Variants in SPTA1 observed in about 807,000 individuals in gnomAD.
SPTA1 encodes spectrin alpha, erythrocytic 1.
SPTA1 carries 177 observed loss-of-function variants against 324.7 expected under a neutral mutation model. That is an observed-to-expected ratio of 0.55 (90% confidence interval 0.48 to 0.62). The LOEUF is 0.62. SPTA1 is among the 20% of genes least tolerant of loss of function. The pLI, the probability that SPTA1 is intolerant of heterozygous loss-of-function variation, is 0.00. For synonymous variants in SPTA1, 1,195 were observed against 1,041.3 expected (o/e 1.15, Z -2.84); for missense variants, 3,162 against 2,883.6 (o/e 1.10, Z -2.21).
intron 33 of SPTA1, 71 bp downstream of exon 33, chr1:158,642,340 T>TA (rs560941981): frequency 2.9e-4 from 423 of 1,459,212 alleles, no homozygotes; most frequent in East Asian, 2.8e-3. Context: ...TACAATAAAT[T>TA]AAAAAAAAAG....
Position 158,619,264 on chromosome 1 carries a change from T to A in SPTA1, c.6488A>T (p.Glu2163Val), listed in dbSNP as rs1257758924. 1 of 1,614,112 alleles carries A rather than the reference T, an allele frequency of 6.2e-7. No homozygotes were observed. The highest frequency in any genetic ancestry group is 8.5e-7 in the Non-Finnish European group (1 of 1,179,984). ...VKNFEMCQEF[E>V]QNASTFLQWI... Reference sequence around the variant, plus strand: ...TTGAAGGAAGGTACTGGCATTCTGTTCAAACTCCTGACACATCTCAAAGTT... The same window carrying A: ...TTGAAGGAAGGTACTGGCATTCTGTACAAACTCCTGACACATCTCAAAGTT... Residue 2163 changes from glutamate to valine, a missense_variant, in exon 45 of 52, where the codon GAA becomes GTA. Transcript: ENST00000643759.
chr1:158,672,259 G>C (rs1654081176), intron 10 of SPTA1, 63 bp from the exon 11 acceptor site: 2 of 1,493,570 alleles, frequency 1.3e-6, no homozygotes, highest in Non-Finnish European at 1.8e-6. Context: ...TATATTTATT[G>C]AGCATATAAT....
intron 3 of SPTA1, among the ~76,000 whole-genome samples, chr1:158,682,810 G>A (rs1304564277): frequency 1.3e-5 from 2 of 152,098 alleles, no homozygotes; most frequent in Non-Finnish European, 2.9e-5. Context: ...TATTGAAATA[G>A]TGATGATCTT....
intron 8 of SPTA1, 37 bp from the exon 9 acceptor site, chr1:158,674,712 A>G: frequency 6.2e-7 from 1 of 1,611,008 alleles, no homozygotes; most frequent in Non-Finnish European, 8.5e-7. Context: ...GGAAGGAGAA[A>G]CCAGATATGA....
chr1:158,642,960 C>G lies in SPTA1; in HGVS notation c.4459G>C (p.Ala1487Pro), dbSNP rs2101830137. The change falls in exon 32 of 52, where the codon GCA (alanine) becomes CCA (proline). Residue 1487 changes from alanine (A) to proline (P), a missense_variant. Transcript: ENST00000643759. The part of the protein sequence containing the change: ...RVLDRWKALK[A>P]QLIDERTKLG... ...TTTGTCCGCTCATCAATCAGTTGTG[C>G]TTTGAGAGCCTTCCACCTAGAGGAC... The G allele has an allele frequency of 1.9e-6, 3 of 1,613,602 alleles. No individual in the cohort carries two copies. Among genetic ancestry groups the G allele is most frequent in the Non-Finnish European group, 2.5e-6 (3 of 1,179,702 alleles).
chr1:158,682,780 G>A (rs1179678555), intron 3 of SPTA1, among the ~76,000 whole-genome samples: 2 of 152,164 alleles, frequency 1.3e-5, no homozygotes, highest in African/African-American at 4.8e-5. Context: ...ATTAATAATA[G>A]ATTACAGAGT....
intron 43 of SPTA1, 139 bp from the exon 44 acceptor site, chr1:158,620,605 G>T: frequency 9.9e-7 from 1 of 1,007,142 alleles, no homozygotes. Context: ...AAAACCAATA[G>T]GGACTGTGTA....
At chr1:158,666,037 T>A (rs1653571216) in intron 16 of SPTA1, among the ~76,000 whole-genome samples, 1 of 152,094 alleles carries the variant, frequency 6.6e-6, no homozygotes, top group East Asian at 1.9e-4. Flanking sequence ...CACCCCTGGC[T>A]AGATTGGAGG....
At chr1:158,679,011 G>A (rs771592923) in intron 5 of SPTA1, among the ~76,000 whole-genome samples, 33 of 151,738 alleles carry the variant, frequency 2.2e-4, no homozygotes, top group African/African-American at 4.1e-4. Flanking sequence ...GTGCTTTCAC[G>A]TATGATTTTG....
At chr1:158,663,565 T>TACC (rs1210681388) in intron 16 of SPTA1, among the ~76,000 whole-genome samples, 2 of 152,186 alleles carry the variant, frequency 1.3e-5, no homozygotes, top group African/African-American at 4.8e-5. Flanking sequence ...TTTAGTTGTA[T>TACC]ACCTATATGG....
intron 15 of SPTA1, 68 bp downstream of exon 15, chr1:158,667,790 G>T: frequency 6.6e-7 from 1 of 1,524,308 alleles, no homozygotes; most frequent in South Asian, 1.2e-5. Context: ...AATTTACAGT[G>T]GTAAAGATAA....
At chr1:158,644,630 C>T (rs557143789) in intron 29 of SPTA1, among the ~76,000 whole-genome samples, 1 of 152,294 alleles carries the variant, frequency 6.6e-6, no homozygotes, top group South Asian at 2.1e-4. Context: ...TTTCCTATTT[C>T]TTAAACCTTG....
intron 18 of SPTA1, among the ~76,000 whole-genome samples, chr1:158,658,240 A>AC (rs1652965689): frequency 1.3e-5 from 2 of 152,188 alleles, no homozygotes; most frequent in African/African-American, 2.4e-5. Context: ...ACCCAGATAG[A>AC]ACCACCAGTC....
chr1:158,636,900 C>G, intron 36 of SPTA1, 139 bp from the exon 37 acceptor site: 2 of 1,458,308 alleles, frequency 1.4e-6, no homozygotes, highest in Non-Finnish European at 1.9e-6. Context: ...GTGCCAATGA[C>G]CAAAAATATA....
intron 38 of SPTA1, among the ~76,000 whole-genome samples, chr1:158,635,316 G>GC (rs1174017042): frequency 1.4e-5 from 2 of 143,212 alleles, no homozygotes; most frequent in East Asian, 4.0e-4. Flanking sequence ...CACTCTCCCC[G>GC]CCCCCGCCCG....
At chr1:158,622,754 C>G (rs1176149851) in intron 43 of SPTA1, 1 of 488,806 alleles carries the variant, frequency 2.0e-6, no homozygotes, top group African/African-American at 2.0e-5. Context: ...CCACTGTTTG[C>G]CTGGCTTCCA....
Position 158,654,638 on chromosome 1 carries a change from G to A in SPTA1, c.3009C>T (p.Val1003=). The A allele has an allele frequency of 1.2e-6, 2 of 1,613,980 alleles. No individual in the cohort carries two copies. The highest frequency in any genetic ancestry group is 1.7e-6 in the Non-Finnish European group (2 of 1,180,010). Residue 1003 remains valine, a synonymous_variant, in exon 21 of 52, where the codon GTC becomes GTT. Coordinates refer to ENST00000643759, the MANE Select transcript of SPTA1 (RefSeq NM_003126.4). ...PREVTMKKGD[V]LTLLSSINKD... is the part of the protein sequence containing the mutation. ...TATTGATGGAACTGAGCAGCGTTAA[G>A]ACATCACCTTTCTTCATGGTGACTT...
At position 158,647,566 on chromosome 1, in the gene SPTA1, T is replaced by C; in HGVS notation, c.3869A>G (p.Lys1290Arg). ...DRKESLNEAQKFYLFLSKARD... is the reference protein window; with the variant it reads ...DRKESLNEAQRFYLFLSKARD... The stretch of plus-strand genomic sequence containing the variant: ...GGCCTTGCTGAGGAACAGGTAGAAT[T>C]TCTGGGCCTCATTTAGGCTCTCCTT... Residue 1290 changes from lysine (K) to arginine (R), a missense_variant, in exon 27 of 52, where the codon AAA (lysine) becomes AGA (arginine). Physicochemically the swap from Lys to Arg is conservative, Grantham distance 26 (BLOSUM62 2). Coordinates refer to ENST00000643759, the MANE Select transcript of SPTA1 (RefSeq NM_003126.4). 1 of 1,613,582 alleles carries C rather than the reference T, an allele frequency of 6.2e-7. No individual in the cohort carries two copies. Among genetic ancestry groups the C allele is most frequent in the Non-Finnish European group, 8.5e-7 (1 of 1,179,862 alleles).
At chr1:158,635,196 G>T (rs112178378) in intron 38 of SPTA1, among the ~76,000 whole-genome samples, 1 of 152,246 alleles carries the variant, frequency 6.6e-6, no homozygotes, top group African/African-American at 2.4e-5. Context: ...CTATGTATCA[G>T]GGGAGGGGCC....
Sources: allele counts gnomAD v4.1 joint callset (sites outside exome capture counted in the v4.1 genomes callset), GRCh38; gene constraint gnomAD v4.1.1; transcripts MANE v1.5; gene names NCBI Gene and HGNC (gene_info 2026-07-23, HGNC 2026-07-21).